Variants in RBFOX1 observed in about 807,000 individuals in gnomAD.
The protein encoded by RBFOX1 is RNA binding fox-1 homolog 1, also known as RNA binding protein fox-1 homolog 1.
In RBFOX1, 8 loss-of-function variants were observed where a neutral mutation model predicts 57.7. The observed-to-expected ratio is 0.14, with a 90% CI of 0.08 to 0.25. The LOEUF is 0.25. RBFOX1 is among the 10% of genes least tolerant of loss of function. The pLI, the probability that RBFOX1 is intolerant of heterozygous loss-of-function variation, is 1.00. For missense variants in RBFOX1, 611 were observed against 548.5 expected (o/e 1.11, Z -1.14); for synonymous variants, 326 against 222.4 (o/e 1.47, Z -4.15).
chr16:5,424,867 TTTCTTTTTTTTC>T (rs1209994645), intron 1 of RBFOX1, among the ~76,000 whole-genome samples: 23 of 129,636 alleles, frequency 1.8e-4, no homozygotes, highest in South Asian at 5.2e-4. Context: ...CTCTTCTTTC[TTTCTTTTTTTTC>T]TTTCTTTCTT....
chr16:6,662,325 A>G (rs1308263533), intron 3 of RBFOX1, among the ~76,000 whole-genome samples: 1 of 152,188 alleles, frequency 6.6e-6, no homozygotes, highest in Non-Finnish European at 1.5e-5. Context: ...TATGTTAATT[A>G]GCTTGGTAGT....
chr16:5,503,055 G>A (rs557055675), intron 2 of RBFOX1, among the ~76,000 whole-genome samples: 36 of 152,320 alleles, frequency 2.4e-4, no homozygotes, highest in African/African-American at 8.4e-4. Flanking sequence ...TGCAAGTGTG[G>A]AAGCTGCATT....
chr16:6,726,774 C>T (rs530614488), intron 3 of RBFOX1, among the ~76,000 whole-genome samples: 49 of 152,166 alleles, frequency 3.2e-4, no homozygotes, highest in African/African-American at 9.6e-4. Context: ...CATTAACTTA[C>T]GTAATTGCTA....
At chr16:6,865,429 A>T (rs1379709722) in intron 3 of RBFOX1, among the ~76,000 whole-genome samples, 1 of 152,184 alleles carries the variant, frequency 6.6e-6, no homozygotes, top group Non-Finnish European at 1.5e-5. Context: ...GTTTATCATT[A>T]GTGTGTGCCA....
At chr16:7,329,798 G>T (rs1447658574) in intron 4 of RBFOX1, among the ~76,000 whole-genome samples, 1 of 152,164 alleles carries the variant, frequency 6.6e-6, no homozygotes, top group Non-Finnish European at 1.5e-5. Flanking sequence ...TTGTATCATG[G>T]CGTTCTTAAG....
At chr16:6,892,161 A>C (rs1457136842) in intron 3 of RBFOX1, among the ~76,000 whole-genome samples, 1 of 152,036 alleles carries the variant, frequency 6.6e-6, no homozygotes, top group Non-Finnish European at 1.5e-5. Context: ...CCCTCTTTGC[A>C]CCCCTTCCCT....
At chr16:7,396,637 C>T (rs982647105) in intron 4 of RBFOX1, among the ~76,000 whole-genome samples, 2 of 152,198 alleles carry the variant, frequency 1.3e-5, no homozygotes, top group Non-Finnish European at 2.9e-5. Flanking sequence ...AAGGACAACA[C>T]TTCTCAAAAC....
At chr16:6,794,515 C>A (rs1006671265) in intron 3 of RBFOX1, among the ~76,000 whole-genome samples, 1 of 151,976 alleles carries the variant, frequency 6.6e-6, no homozygotes, top group Non-Finnish European at 1.5e-5. Flanking sequence ...TACATATGGT[C>A]ATTTTATAAG....
intron 4 of RBFOX1, among the ~76,000 whole-genome samples, chr16:7,315,395 C>A (rs17143449): frequency 0.013 from 1,985 of 150,936 alleles, 45 homozygotes; most frequent in African/African-American, 0.046. Flanking sequence ...TAGTAGAATT[C>A]TGAAGTGAAT....
chr16:6,542,053 C>G (rs532003291), intron 2 of RBFOX1, among the ~76,000 whole-genome samples: 1 of 151,836 alleles, frequency 6.6e-6, no homozygotes, highest in Non-Finnish European at 1.5e-5. Flanking sequence ...CTCAGCCTCC[C>G]GAGTAGCTGG....
rs1567889503 is a variant in RBFOX1, at chr16:6,921,636, TA to T, written c.-15-130420del. 6.8e-3 allele frequency among the ~76,000 whole-genome samples: 423 copies of T among 61,942 alleles called. 5 individuals carry two copies. The highest frequency in any genetic ancestry group is 0.027 in the African/African-American group (411 of 14,948). The allele number at this position is 61,942 out of a possible 152,430, so 40.6% of individuals were successfully genotyped here. A position where few individuals can be genotyped will look rare whatever the true frequency, so the allele number is the denominator to read the frequency against. On this transcript the variant is annotated intron_variant, in intron 3 of 15. Transcript: ENST00000550418. Reference sequence around the variant, plus strand: ...ATACATAAATTACTGTATATATATATATATATATATTTTTTTTTTTCTTAGG... The same window carrying T: ...ATACATAAATTACTGTATATATATATTATATATATTTTTTTTTTTCTTAGG...
At chr16:5,639,268 C>G (rs573770995) in intron 3 of RBFOX1, among the ~76,000 whole-genome samples, 3 of 152,326 alleles carry the variant, frequency 2.0e-5, no homozygotes, top group South Asian at 2.1e-4. Flanking sequence ...CACAATTGTG[C>G]TGATTAAAAA....
intron 2 of RBFOX1, among the ~76,000 whole-genome samples, chr16:6,552,965 A>G (rs1287934068): frequency 1.3e-5 from 2 of 152,140 alleles, no homozygotes; most frequent in African/African-American, 4.8e-5. Flanking sequence ...AAATTTTTTA[A>G]AAAGTATCTA....
chr16:6,628,635 A>G (rs1022507364), intron 2 of RBFOX1, among the ~76,000 whole-genome samples: 5 of 152,124 alleles, frequency 3.3e-5, no homozygotes, highest in Non-Finnish European at 7.4e-5. Context: ...CTTTAATGAG[A>G]GCTCATGGTT....
chr16:7,480,910 G>A lies in RBFOX1; in HGVS notation c.28-37237G>A, dbSNP rs1599544130. 2.0e-5 allele frequency among the ~76,000 whole-genome samples: 3 copies of A among 152,316 alleles called. No homozygotes were observed. The Middle Eastern group carries it at 0.01, about 518-fold the overall frequency. Reference sequence around the variant, plus strand: ...TGAGGGGATGCGAGGGACCTGGGAGGGAGGGGCAGGGGTAGGGGTCTCTGT... The same window carrying A: ...TGAGGGGATGCGAGGGACCTGGGAGAGAGGGGCAGGGGTAGGGGTCTCTGT... On this transcript the variant is annotated intron_variant, in intron 4 of 15. Transcript: ENST00000550418.
intron 4 of RBFOX1, among the ~76,000 whole-genome samples, chr16:7,249,034 T>G (rs2094416449): frequency 6.6e-6 from 1 of 151,920 alleles, no homozygotes. Flanking sequence ...ACAGCACTGC[T>G]CTGCATAATA....
intron 4 of RBFOX1, among the ~76,000 whole-genome samples, chr16:7,229,721 GAAGCAAGGGAGGGAGGGGGAA>G (rs2093371841): frequency 7.7e-6 from 1 of 130,676 alleles, no homozygotes; most frequent in Non-Finnish European, 1.6e-5. Flanking sequence ...GGAGAGAGAG[GAAGCAAGGGAGGGAGGGGGAA>G]GAAGGAAGGG....
intron 2 of RBFOX1, among the ~76,000 whole-genome samples, chr16:6,403,254 A>T (rs755612240): frequency 6.6e-6 from 1 of 152,156 alleles, no homozygotes; most frequent in Non-Finnish European, 1.5e-5. Context: ...AAAGTTTGAG[A>T]AGCACTAGGT....
chr16:7,184,584 T>C (rs1012871374), intron 4 of RBFOX1, among the ~76,000 whole-genome samples: 5 of 152,244 alleles, frequency 3.3e-5, no homozygotes, highest in African/African-American at 1.2e-4. Context: ...TCCTTAGTCT[T>C]GTCTGTTTAG....
Sources: allele counts gnomAD v4.1 joint callset (sites outside exome capture counted in the v4.1 genomes callset), GRCh38; gene constraint gnomAD v4.1.1; transcripts MANE v1.5; gene names NCBI Gene and HGNC (gene_info 2026-07-23, HGNC 2026-07-21).